IST1: variants seen among roughly 807,000 people sequenced by gnomAD.
IST1 encodes IST1 factor associated with ESCRT-III.
Under a neutral mutation model 37.0 loss-of-function variants are expected in IST1, and 23 were observed. The observed-to-expected ratio is 0.62, with a 90% CI of 0.45 to 0.88. IST1 has a LOEUF of 0.88. Ranked by LOEUF, IST1 falls within the 40% of genes least tolerant of loss-of-function variation. IST1 has a pLI of 0.00. For missense variants in IST1, 488 were observed against 445.4 expected (o/e 1.10, Z -0.86); for synonymous variants, 180 against 161.7 (o/e 1.11, Z -0.86).
chr16:71,911,899 G>A (rs1194218536), intron 1 of IST1, among the ~76,000 whole-genome samples: 1 of 151,736 alleles, frequency 6.6e-6, no homozygotes, highest in East Asian at 1.9e-4. Context: ...TGTAGTTTTG[G>A]TACAGTTGGA....
intron 5 of IST1, 118 bp from the exon 6 acceptor site, chr16:71,921,225 G>A (rs2037573503): frequency 1.5e-6 from 1 of 675,652 alleles, no homozygotes; most frequent in Admixed American, 2.6e-5. Context: ...TAACTGCTCT[G>A]AACCTTTTTT....
rs1051078335 is a variant in IST1 at position 71,930,941 on chromosome 16, C to G, written c.*3128C>G. The G allele has an allele frequency of 6.6e-6, 1 of 152,142 alleles. No individual in the cohort carries two copies. The highest frequency in any genetic ancestry group is 6.6e-5 in the Admixed American group (1 of 15,258). The allele number at this position is 152,142 out of a possible 1,614,324, so 9.4% of individuals were successfully genotyped here. ...ATCTATATGGCAAAATATTTTCAAG[C>G]ACCAAACTGTTTTACCTACTTAAAA... On this transcript the variant is annotated 3_prime_UTR_variant, in exon 10 of 10. Coordinates refer to ENST00000378799, the MANE Select transcript of IST1 (RefSeq NM_001270975.2).
Position 71,917,145 on chromosome 16 carries a change from G to A in IST1, c.357+11G>A. 6.6e-7 allele frequency: 1 copy of A among 1,522,036 alleles called. No individual in the cohort carries two copies. The highest frequency in any genetic ancestry group is 9.1e-7 in the Non-Finnish European group (1 of 1,100,024). The allele number at this position is 1,522,036 out of a possible 1,614,324, so 94.3% of individuals were successfully genotyped here. A position where few individuals can be genotyped will look rare whatever the true frequency, so the allele number is the denominator to read the frequency against. On this transcript the variant is annotated intron_variant, in intron 4 of 9. Coordinates refer to ENST00000378799, the MANE Select transcript of IST1 (RefSeq NM_001270975.2). ...GCTGAGTTGAAAATAGTGAGTACAAGTAGTTTCAGTGATGTCTGTAGCTTT... is the reference window on the plus strand; with the variant it reads ...GCTGAGTTGAAAATAGTGAGTACAAATAGTTTCAGTGATGTCTGTAGCTTT...
chr16:71,904,412 G>T (rs2037175318), intron 1 of IST1, among the ~76,000 whole-genome samples: 1 of 152,166 alleles, frequency 6.6e-6, no homozygotes, highest in African/African-American at 2.4e-5. Context: ...GTGAGCCATT[G>T]CGCCCGGCCT....
Position 71,911,044 on chromosome 16 carries a change from A to G in IST1, c.-15-4582A>G, listed in dbSNP as rs550393785. Among the ~76,000 whole-genome samples the G allele has an allele frequency of 1.1e-4, 17 of 152,278 alleles. No individual in the cohort carries two copies. In the East Asian group the frequency reaches 3.3e-3, roughly 29 times the overall value. On this transcript the variant is annotated intron_variant, in intron 1 of 9. Coordinates refer to ENST00000378799, the MANE Select transcript of IST1 (RefSeq NM_001270975.2). ...CACTTGAGGTCAGGAGTTCAAGACC[A>G]GCGTGTCCAACATGGTGAAACCCCG...
At chr16:71,923,845 T>C (rs911917860) in intron 8 of IST1, among the ~76,000 whole-genome samples, 1 of 152,228 alleles carries the variant, frequency 6.6e-6, no homozygotes, top group Admixed American at 6.5e-5. Flanking sequence ...TTTCACATTT[T>C]AGTATTCTAG....
chr16:71,906,228 C>G (rs1045974083), intron 1 of IST1, among the ~76,000 whole-genome samples: 2 of 151,942 alleles, frequency 1.3e-5, no homozygotes, highest in African/African-American at 4.8e-5. Context: ...TGGTCTCAAT[C>G]TCCTGACCTC....
chr16:71,913,664 C>A lies in IST1; in HGVS notation c.-15-1962C>A, dbSNP rs570144849. On this transcript the variant is annotated intron_variant, in intron 1 of 9. Transcript: ENST00000378799. ...CACAGGTGCATGCCACCACGCCCGG[C>A]TAATTTTTGTATTTTTTGTAAAGAT... is the stretch of plus-strand genomic sequence containing the variant. 1.0e-3 allele frequency among the ~76,000 whole-genome samples: 154 copies of A among 152,172 alleles called. 1 individual carries two copies. Among genetic ancestry groups the A allele is most frequent in the Non-Finnish European group, 1.8e-3 (124 of 68,018 alleles).
upstream of IST1, chr16:71,894,471 A>G (rs1436722223): frequency 5.5e-6 from 1 of 182,976 alleles, no homozygotes; most frequent in Non-Finnish European, 1.1e-5. Flanking sequence ...GTCTCGAATT[A>G]CCGACTTCAG....
rs2037468839 is a variant in IST1 at position 71,916,448 on chromosome 16, G to C, written c.89-14G>C. 2.5e-6 allele frequency: 4 copies of C among 1,611,370 alleles called. No individual in the cohort carries two copies. The highest frequency in any genetic ancestry group is 3.4e-6 in the Non-Finnish European group (4 of 1,179,414). On this transcript the variant is annotated splice_polypyrimidine_tract_variant and intron_variant, in intron 2 of 9. Coordinates refer to ENST00000378799, the MANE Select transcript of IST1 (RefSeq NM_001270975.2). Reference sequence around the variant, plus strand: ...CTCTACTGCTGTGAGATCGGAGTGGGATTTGTGTCTTAGCGGAACTGGCCC... The same window carrying C: ...CTCTACTGCTGTGAGATCGGAGTGGCATTTGTGTCTTAGCGGAACTGGCCC...
chr16:71,913,613 G>A (rs536131398), intron 1 of IST1, among the ~76,000 whole-genome samples: 1 of 152,166 alleles, frequency 6.6e-6, no homozygotes, highest in South Asian at 2.1e-4. Flanking sequence ...CAATCCTCCC[G>A]GCTCAGCCTC....
chr16:71,895,178 G>A (rs1319266527), upstream of IST1: 1 of 228,870 alleles, frequency 4.4e-6, no homozygotes, highest in Non-Finnish European at 8.8e-6. Context: ...CTGGCAGCCG[G>A]TTATGGAAGA....
Position 71,928,178 on chromosome 16 carries a change from C to G in IST1, c.*365C>G. On this transcript the variant is annotated 3_prime_UTR_variant, in exon 10 of 10. Coordinates refer to ENST00000378799, the MANE Select transcript of IST1 (RefSeq NM_001270975.2). ...GATGGCTGGACAGTGGGAGAGAGCA[C>G]GTTGTGAAGCATCCCAGCCTCGTGT... 1 of 275,768 alleles carries G rather than the reference C, an allele frequency of 3.6e-6. No individual in the cohort carries two copies. Among genetic ancestry groups the G allele is most frequent in the South Asian group, 4.1e-5 (1 of 24,466 alleles). The allele number at this position is 275,768 out of a possible 1,614,324, so 17.1% of individuals were successfully genotyped here.
intron 4 of IST1, 54 bp from the exon 5 acceptor site, chr16:71,920,685 A>C: frequency 1.5e-6 from 2 of 1,294,062 alleles, no homozygotes; most frequent in Admixed American, 1.7e-5. Flanking sequence ...AAGAAGCTTA[A>C]AGCAGTCCGT....
intron 7 of IST1, chr16:71,922,923 T>C (rs965271529): frequency 1.8e-6 from 1 of 568,998 alleles, no homozygotes; most frequent in African/African-American, 1.9e-5. Context: ...GTTTACTGAA[T>C]ATCTTTGGGA....
intron 7 of IST1, 129 bp downstream of exon 7, chr16:71,922,809 C>A: frequency 1.4e-6 from 1 of 737,732 alleles, no homozygotes; most frequent in Non-Finnish European, 2.3e-6. Flanking sequence ...TATTAGCTGG[C>A]AGTCATCTTG....
At chr16:71,901,429 G>A (rs749974564) in intron 1 of IST1, among the ~76,000 whole-genome samples, 12 of 152,136 alleles carry the variant, frequency 7.9e-5, no homozygotes, top group Non-Finnish European at 1.6e-4. Flanking sequence ...TAGCCAGAAT[G>A]GTCTCGATCT....
chr16:71,928,724 C>A lies in IST1; in HGVS notation c.*911C>A, dbSNP rs759157759. On this transcript the variant is annotated 3_prime_UTR_variant, in exon 10 of 10. Coordinates refer to ENST00000378799, the MANE Select transcript of IST1 (RefSeq NM_001270975.2). ...CATTTGAAAACTTTGATTCATGGAA[C>A]CTTTAAAACTAATCTCAGAAAAATT... The A allele has an allele frequency of 2.0e-5, 3 of 152,424 alleles. No homozygotes were observed. The highest frequency in any genetic ancestry group is 4.4e-5 in the Non-Finnish European group (3 of 68,028). The allele number at this position is 152,424 out of a possible 1,614,324, so 9.4% of individuals were successfully genotyped here.
rs2037690447 is a variant in IST1 at position 71,924,530 on chromosome 16, G to C, written c.853-239G>C. The C allele has an allele frequency of 8.6e-6, 5 of 579,412 alleles. No homozygotes were observed. In the East Asian group the frequency reaches 1.4e-4, roughly 17 times the overall value. 35.9% of individuals were successfully genotyped at this position (579,412 alleles called of 1,614,324 possible). A position where few individuals can be genotyped will look rare whatever the true frequency, so the allele number is the denominator to read the frequency against. On this transcript the variant is annotated intron_variant, in intron 8 of 9. Coordinates refer to ENST00000378799, the MANE Select transcript of IST1 (RefSeq NM_001270975.2). ...GGCTGGAGGCCAGGAAGTGGAGGCT[G>C]TGGTGAGCCGTGATTGTATCACTGC...
Sources: allele counts gnomAD v4.1 joint callset (sites outside exome capture counted in the v4.1 genomes callset), GRCh38; gene constraint gnomAD v4.1.1; transcripts MANE v1.5; gene names NCBI Gene and HGNC (gene_info 2026-07-23, HGNC 2026-07-21).